The following OLFM4 variants were observed in gnomAD, a reference collection of about 807,000 sequenced individuals.
OLFM4 encodes the protein olfactomedin 4.
A neutral mutation model predicts 25.5 loss-of-function variants in OLFM4; 22 were observed. The observed-to-expected ratio is 0.86, with a 90% CI of 0.62 to 1.23. The LOEUF is 1.23. Among genes scored for constraint, OLFM4 ranks in the 50% most tolerant of loss-of-function variants. OLFM4 has a pLI of 0.00. For synonymous variants in OLFM4, 255 were observed against 237.7 expected, an observed-to-expected ratio of 1.07 and a Z score of -0.67; for missense variants, 594 against 619.4, an observed-to-expected ratio of 0.96 and a Z score of 0.44.
At chr13:53,037,663 G>T (rs1954665819) in intron 2 of OLFM4, among the ~76,000 whole-genome samples, 1 of 152,142 alleles carries the variant, frequency 6.6e-6, no homozygotes, top group African/African-American at 2.4e-5. Context: ...TGCCCACTAA[G>T]TACTGAAGTT....
At chr13:53,034,538 G>A (rs780988312) in intron 2 of OLFM4, 38 bp downstream of exon 2, 1 of 1,541,454 alleles carries the variant, frequency 6.5e-7, no homozygotes, top group South Asian at 1.2e-5. Flanking sequence ...TTGATAAAGA[G>A]AAACAAAACA....
intron 4 of OLFM4, among the ~76,000 whole-genome samples, chr13:53,049,719 A>G (rs186807643): frequency 5.9e-5 from 9 of 152,016 alleles, no homozygotes; most frequent in Admixed American, 4.6e-4. Context: ...CATTATTCCT[A>G]TTTTCCAGAT....
intron 1 of OLFM4, among the ~76,000 whole-genome samples, chr13:53,029,380 A>T (rs1056000707): frequency 6.6e-6 from 1 of 152,186 alleles, no homozygotes; most frequent in South Asian, 2.1e-4. Context: ...ACATAGATGT[A>T]TACAAATCAA....
chr13:53,050,678 C>T lies in OLFM4; in HGVS notation c.1440C>T (p.Ser480=), dbSNP rs749158268. 1 of 1,613,878 alleles carries T rather than the reference C, an allele frequency of 6.2e-7. No homozygotes were observed. The highest frequency in any genetic ancestry group is 8.5e-7 in the Non-Finnish European group (1 of 1,179,914). Residue 480 remains serine (S), a synonymous_variant, in exon 5 of 5, where the codon AGC becomes AGT. Coordinates refer to ENST00000219022, the MANE Select transcript of OLFM4 (RefSeq NM_006418.5). The part of the protein sequence containing the change: ...VMHKMQEKVQ[S]INYNPFDQKL... ...ATAAGATGCAGGAAAAAGTGCAGAG[C>T]ATTAACTATAACCCTTTTGACCAGA...
At chr13:53,044,154 G>A (rs956359229) in intron 4 of OLFM4, among the ~76,000 whole-genome samples, 2 of 152,124 alleles carry the variant, frequency 1.3e-5, no homozygotes, top group East Asian at 1.9e-4. Context: ...CCTTATGATC[G>A]GCACTCACAC....
At chr13:53,038,986 C>G (rs187327122) in intron 2 of OLFM4, among the ~76,000 whole-genome samples, 15 of 152,344 alleles carry the variant, frequency 9.8e-5, no homozygotes, top group African/African-American at 3.6e-4. Flanking sequence ...GTTTTTTCCT[C>G]AAATGGATCT....
intron 3 of OLFM4, among the ~76,000 whole-genome samples, chr13:53,042,769 C>A (rs983983347): frequency 6.6e-6 from 1 of 152,122 alleles, no homozygotes; most frequent in African/African-American, 2.4e-5. Flanking sequence ...TCATTAGAAT[C>A]TTAATTATAA....
Position 53,034,378 on chromosome 13 carries a change from G to T in OLFM4, c.235G>T (p.Asp79Tyr). Residue 79 changes from aspartate to tyrosine, a missense_variant, in exon 2 of 5, where the codon GAC (aspartate) becomes TAC (tyrosine). Physicochemically the swap from Asp to Tyr is radical, Grantham distance 160. Coordinates refer to ENST00000219022, the MANE Select transcript of OLFM4 (RefSeq NM_006418.5). ...LFSNFTGSVD[D>Y]RGTCQCSVSL... ...TTCCAATTTCACCGGCTCCGTGGAT[G>T]ACCGTGGGACCTGCCAGTGCTCTGT... 1 of 1,613,456 alleles carries T rather than the reference G, an allele frequency of 6.2e-7. No homozygotes were observed. The highest frequency in any genetic ancestry group is 1.1e-5 in the South Asian group (1 of 90,894).
chr13:53,035,178 C>A (rs1034059037), intron 2 of OLFM4, among the ~76,000 whole-genome samples: 1 of 151,698 alleles, frequency 6.6e-6, no homozygotes, highest in African/African-American at 2.4e-5. Context: ...TCCTTTAACC[C>A]TTTTTTATCT....
intron 1 of OLFM4, among the ~76,000 whole-genome samples, chr13:53,032,386 A>G (rs1954633848): frequency 6.6e-6 from 1 of 152,142 alleles, no homozygotes; most frequent in Admixed American, 6.5e-5. Flanking sequence ...CTATTTCTTC[A>G]AAAGTCCTTG....
Position 53,049,996 on chromosome 13 carries a change from A to T in OLFM4, c.758A>T (p.Asn253Ile). The change falls in exon 5 of 5, where the codon AAC becomes ATC. Residue 253 changes from asparagine (N) to isoleucine (I), a missense_variant. By Grantham distance (149) the Asn-to-Ile change is moderately radical. Transcript: ENST00000219022. ...PGSCGHGGVVNISKPSVVQLN... is the reference protein window; with the variant it reads ...PGSCGHGGVVIISKPSVVQLN... ...AGCTGTGGTCATGGTGGTGTGGTGA[A>T]CATCAGCAAACCGTCTGTGGTTCAG... The T allele has an allele frequency of 2.5e-6, 4 of 1,609,770 alleles. No homozygotes were observed. The highest frequency in any genetic ancestry group is 2.6e-6 in the Non-Finnish European group (3 of 1,176,362).
At chr13:53,045,844 C>G (rs1954712945) in intron 4 of OLFM4, among the ~76,000 whole-genome samples, 1 of 152,114 alleles carries the variant, frequency 6.6e-6, no homozygotes, top group Admixed American at 6.6e-5. Context: ...AATAATTGGC[C>G]TTCTACTCAT....
In OLFM4 at chr13:53,040,535, T is replaced by C. The variant is rs145467006; in HGVS notation, c.358-1375T>C. Among the ~76,000 whole-genome samples, 480 of 152,336 alleles carry C rather than the reference T, an allele frequency of 3.2e-3. 2 individuals are homozygous for C. The highest frequency in any genetic ancestry group is 5.6e-3 in the Non-Finnish European group (384 of 68,020). On this transcript the variant is annotated intron_variant, in intron 2 of 4. Transcript: ENST00000219022. ...CAGAAAATACTTAGATGTAGAGCCA[T>C]GTTTCTAAATGGAAGGAGGGTGGTG...
intron 2 of OLFM4, among the ~76,000 whole-genome samples, chr13:53,037,754 G>A (rs1373916111): frequency 3.3e-5 from 5 of 152,146 alleles, no homozygotes; most frequent in South Asian, 4.2e-4. Context: ...ACCCTGTTAC[G>A]TTTACTTTGA....
rs1425857118 is a variant in OLFM4 at position 53,050,877 on chromosome 13, C to A, written c.*106C>A. On this transcript the variant is annotated 3_prime_UTR_variant, in exon 5 of 5. Transcript: ENST00000219022. ...GTCTAAAAGTGTGTTCATTTTGCAG[C>A]AATGTTTAGGTGCATAGTTCTACCA... 1.0e-6 allele frequency: 1 copy of A among 975,888 alleles called. No homozygotes were observed. Among genetic ancestry groups the A allele is most frequent in the Non-Finnish European group, 1.5e-6 (1 of 668,836 alleles). 60.5% of individuals were successfully genotyped at this position (975,888 alleles called of 1,614,324 possible). A position where few individuals can be genotyped will look rare whatever the true frequency, so the allele number is the denominator to read the frequency against.
At chr13:53,038,504 T>A (rs1566317067) in intron 2 of OLFM4, among the ~76,000 whole-genome samples, 1 of 152,204 alleles carries the variant, frequency 6.6e-6, no homozygotes, top group African/African-American at 2.4e-5. Context: ...TAGGCAATTA[T>A]AATACAATGG....
chr13:53,050,385 A>G lies in OLFM4; in HGVS notation c.1147A>G (p.Ile383Val). ...ATATGCTAATGTTGCTTGGCAAGAT[A>G]TTGACTTTGCTGTGGATGAGAATGG... is the stretch of plus-strand genomic sequence containing the variant. Reference protein sequence around the residue: ...FSYANVAWQDIDFAVDENGLW... With the variant: ...FSYANVAWQDVDFAVDENGLW... The change falls in exon 5 of 5, where the codon ATT becomes GTT. Residue 383 changes from isoleucine (I) to valine (V), a missense_variant. Coordinates refer to ENST00000219022, the MANE Select transcript of OLFM4 (RefSeq NM_006418.5). 6.2e-7 allele frequency: 1 copy of G among 1,614,064 alleles called. No individual in the cohort carries two copies. The highest frequency in any genetic ancestry group is 8.5e-7 in the Non-Finnish European group (1 of 1,179,972).
chr13:53,029,002 T>G lies in OLFM4; in HGVS notation c.166T>G (p.Ser56Ala), dbSNP rs759806299. ...CTCCAGCTCCAGGTCGGGCTCCAGC[T>G]CCAGCCGCAGCTTAGGCAGCGGAGG... is the stretch of plus-strand genomic sequence containing the variant. Reference protein sequence around the residue: ...FSSSSRSGSSSSRSLGSGGSV... With the variant: ...FSSSSRSGSSASRSLGSGGSV... The change falls in exon 1 of 5, where the codon TCC (serine) becomes GCC (alanine). Residue 56 changes from serine (S) to alanine (A), a missense_variant. By Grantham distance (99) the Ser-to-Ala change is moderately conservative. Transcript: ENST00000219022. 1 of 1,614,178 alleles carries G rather than the reference T, an allele frequency of 6.2e-7. No individual in the cohort carries two copies. The highest frequency in any genetic ancestry group is 1.1e-5 in the South Asian group (1 of 91,088).
intron 4 of OLFM4, among the ~76,000 whole-genome samples, chr13:53,046,644 G>A (rs1475338180): frequency 2.0e-5 from 3 of 152,174 alleles, no homozygotes; most frequent in African/African-American, 7.2e-5. Context: ...ACCAGCATGA[G>A]TAAAGAAACC....
Sources: gnomAD v4.1 joint callset for allele counts (sites outside exome capture counted in the v4.1 genomes callset) on GRCh38, gnomAD v4.1.1 for gene constraint, MANE v1.5 for transcripts, NCBI Gene and HGNC (gene_info 2026-07-23, HGNC 2026-07-21) for gene names.